SOX5: variants seen among roughly 807,000 people sequenced by gnomAD.
The protein encoded by SOX5 is transcription factor SOX-5.
A neutral mutation model predicts 92.0 loss-of-function variants in SOX5; 9 were observed. The ratio of observed to expected loss-of-function variants is 0.10; its 90% CI spans 0.06 to 0.17. The LOEUF (loss-of-function observed/expected upper bound fraction) is 0.17, where lower values mean the gene tolerates loss of function less well. Ranked by LOEUF, SOX5 falls within the 10% of genes least tolerant of loss-of-function variation. The pLI is 1.00. For missense variants in SOX5, 642 were observed against 944.5 expected (o/e 0.68, Z 4.20); for synonymous variants, 344 against 336.3 (o/e 1.02, Z -0.25).
intron 4 of SOX5, among the ~76,000 whole-genome samples, chr12:24,091,694 T>A (rs182542185): frequency 6.6e-6 from 1 of 152,296 alleles, no homozygotes; most frequent in East Asian, 1.9e-4. Context: ...TACTAGGGTA[T>A]GATAAATTCA....
chr12:24,243,926 C>T (rs1485125229), intron 3 of SOX5, among the ~76,000 whole-genome samples: 1 of 151,776 alleles, frequency 6.6e-6, no homozygotes, highest in African/African-American at 2.4e-5. Flanking sequence ...TCTAATGTAA[C>T]CTTACATTAC....
At chr12:23,744,389 G>GTATC (rs1289063395) in intron 4 of SOX5, among the ~76,000 whole-genome samples, 1 of 152,064 alleles carries the variant, frequency 6.6e-6, no homozygotes, top group Non-Finnish European at 1.5e-5. Context: ...GCAGAATGGG[G>GTATC]TATCTCTGAG....
chr12:23,981,436 A>G (rs1949556416), intron 4 of SOX5, among the ~76,000 whole-genome samples: 1 of 152,178 alleles, frequency 6.6e-6, no homozygotes, highest in East Asian at 1.9e-4. Flanking sequence ...TAAATTTGAA[A>G]CCAATGTTGA....
chr12:24,201,832 C>A (rs1957548476), intron 4 of SOX5, among the ~76,000 whole-genome samples: 1 of 152,158 alleles, frequency 6.6e-6, no homozygotes, highest in South Asian at 2.1e-4. Context: ...TACTTCCTTT[C>A]CAGCTTTTGT....
chr12:23,827,206 C>T (rs1372373054), intron 3 of SOX5, among the ~76,000 whole-genome samples: 5 of 152,160 alleles, frequency 3.3e-5, no homozygotes, highest in African/African-American at 9.7e-5. Context: ...AAAAAGTTTA[C>T]ATATAAAAAC....
rs527937816 is a variant in SOX5 at position 23,929,323 on chromosome 12, G to A, written c.38+20241C>T. ...ATGAAAGAGAGTTTTTAAAGCAAAA[G>A]CAAAACTATCAGTTAAGAAACTGTT... On this transcript the variant is annotated intron_variant, in intron 1 of 14. Coordinates refer to ENST00000451604, the MANE Select transcript of SOX5 (RefSeq NM_006940.6). Among the ~76,000 whole-genome samples the A allele has an allele frequency of 2.0e-5, 3 of 151,898 alleles. No individual in the cohort carries two copies. In the South Asian group the frequency reaches 6.2e-4, roughly 32 times the overall value.
At chr12:24,220,830 A>G (rs1335183498) in intron 3 of SOX5, among the ~76,000 whole-genome samples, 1 of 152,230 alleles carries the variant, frequency 6.6e-6, no homozygotes, top group African/African-American at 2.4e-5. Context: ...AAACTCATAG[A>G]GTCAGAAAAC....
chr12:24,493,163 T>G (rs919455423), intron 1 of SOX5, among the ~76,000 whole-genome samples: 1 of 152,192 alleles, frequency 6.6e-6, no homozygotes, highest in South Asian at 2.1e-4. Context: ...TTTCATACTA[T>G]GGGATTTTAT....
intron 11 of SOX5, among the ~76,000 whole-genome samples, 154 bp downstream of exon 11, chr12:23,563,104 A>C (rs977814250): frequency 6.6e-6 from 1 of 152,246 alleles, no homozygotes; most frequent in Non-Finnish European, 1.5e-5. Flanking sequence ...GGTTTTGATT[A>C]GGATGGCGAT....
chr12:24,011,315 T>C (rs889773965), intron 4 of SOX5, among the ~76,000 whole-genome samples: 6 of 152,184 alleles, frequency 3.9e-5, no homozygotes, highest in African/African-American at 9.6e-5. Flanking sequence ...TTTACCTAAA[T>C]AGAAGTGGCC....
At chr12:23,593,543 G>A (rs1951882089) in intron 9 of SOX5, among the ~76,000 whole-genome samples, 1 of 151,900 alleles carries the variant, frequency 6.6e-6, no homozygotes, top group Non-Finnish European at 1.5e-5. Context: ...TGTGAAAACA[G>A]GTAAAACTGA....
At chr12:23,687,690 T>A (rs1441528134) in intron 6 of SOX5, among the ~76,000 whole-genome samples, 1 of 152,054 alleles carries the variant, frequency 6.6e-6, no homozygotes, top group Admixed American at 6.6e-5. Context: ...GGAGAGCTTA[T>A]ATGATTGCAA....
chr12:24,399,918 C>G (rs978707979), intron 1 of SOX5, among the ~76,000 whole-genome samples: 1 of 152,114 alleles, frequency 6.6e-6, no homozygotes, highest in Non-Finnish European at 1.5e-5. Flanking sequence ...ATCAAAATAT[C>G]CTATGTACTG....
chr12:24,394,621 T>C lies in SOX5; in HGVS notation c.-250-25982A>G, dbSNP rs115543817. On this transcript the variant is annotated intron_variant, in intron 1 of 4. Transcript: ENST00000446891. ...TAAGGCACTTACCAAGTTGTGCAAT[T>C]AATATTTGTACAAATATCCATATCT... 6.5e-4 allele frequency among the ~76,000 whole-genome samples: 99 copies of C among 152,066 alleles called. 1 individual carries two copies. The highest frequency in any genetic ancestry group is 2.2e-3 in the African/African-American group (90 of 41,412).
rs561206934 is a variant in SOX5, at chr12:24,253,361, A to C, written c.-77+23855T>G. Among the ~76,000 whole-genome samples the C allele has an allele frequency of 1.3e-4, 20 of 151,940 alleles. No individual in the cohort carries two copies. The East Asian group carries it at 3.9e-3, about 29-fold the overall frequency. ...TCAACTTTTATTGATTATTGATACT[A>C]ACATAGATACAACATAGGATCTTAT... On this transcript the variant is annotated intron_variant, in intron 3 of 4. Transcript: ENST00000446891.
intron 4 of SOX5, among the ~76,000 whole-genome samples, chr12:24,040,594 C>T (rs1257780574): frequency 1.3e-5 from 2 of 152,102 alleles, no homozygotes; most frequent in African/African-American, 2.4e-5. Context: ...TCATTTAGGC[C>T]GGGTGCAGTG....
At chr12:24,131,807 T>G (rs565347580) in intron 4 of SOX5, among the ~76,000 whole-genome samples, 1 of 152,268 alleles carries the variant, frequency 6.6e-6, no homozygotes, top group South Asian at 2.1e-4. Flanking sequence ...TACACATCTG[T>G]TTTATTAAAA....
chr12:24,273,403 A>C (rs1333471098), intron 3 of SOX5, among the ~76,000 whole-genome samples: 1 of 152,194 alleles, frequency 6.6e-6, no homozygotes, highest in Non-Finnish European at 1.5e-5. Flanking sequence ...TCTCTACTTC[A>C]CTTCAGCAAA....
intron 1 of SOX5, among the ~76,000 whole-genome samples, chr12:23,934,262 G>C (rs1322505328): frequency 2.6e-5 from 4 of 151,114 alleles, no homozygotes; most frequent in Non-Finnish European, 5.9e-5. Context: ...ACTTCATTAT[G>C]AGTCAGGTAA....
Sources: gnomAD v4.1 joint callset for allele counts (sites outside exome capture counted in the v4.1 genomes callset) on GRCh38, gnomAD v4.1.1 for gene constraint, MANE v1.5 for transcripts, NCBI Gene and HGNC (gene_info 2026-07-23, HGNC 2026-07-21) for gene names.